FAHD2A: variants seen among roughly 807,000 people sequenced by gnomAD.
The protein encoded by FAHD2A is fumarylacetoacetate hydrolase domain containing 2A.
Under a neutral mutation model 33.4 loss-of-function variants are expected in FAHD2A, and 27 were observed. That is an observed-to-expected ratio of 0.81 (90% CI 0.60 to 1.11). The LOEUF is 1.11. Ranked by LOEUF, FAHD2A falls within the 50% of genes most tolerant of loss-of-function variation. FAHD2A has a pLI of 0.00. For synonymous variants in FAHD2A, 130 were observed against 153.3 expected (o/e 0.85, Z 1.12); for missense variants, 296 against 395.0 (o/e 0.75, Z 2.12).
At chr2:95,418,156 G>A (rs913438871), downstream of FAHD2A, among the ~76,000 whole-genome samples, 1 of 151,980 alleles carries the variant, frequency 6.6e-6, no homozygotes, top group African/African-American at 2.4e-5. Context: ...AGTACCACAA[G>A]TACCTGTAGA....
At chr2:95,403,100 C>G (rs1436361707) in intron 1 of FAHD2A, 3 of 152,286 alleles carry the variant, frequency 2.0e-5, no homozygotes, top group Non-Finnish European at 4.4e-5. Context: ...ACGTGCACAC[C>G]CATGTCTCAG....
Position 95,407,006 on chromosome 2 carries a change from G to A in FAHD2A, c.311G>A (p.Arg104Gln), listed in dbSNP as rs761090920. Reference sequence around the variant, plus strand: ...GTAACCTTCCTGGCTCCAGTCACACGACCAGATAAGGTGGTGTGTGTGGGC... The same window carrying A: ...GTAACCTTCCTGGCTCCAGTCACACAACCAGATAAGGTGGTGTGTGTGGGC... Reference protein sequence around the residue: ...SEVTFLAPVTRPDKVVCVGMN... With the variant: ...SEVTFLAPVTQPDKVVCVGMN... Residue 104 changes from arginine (R) to glutamine (Q), a missense_variant, in exon 3 of 8, where the codon CGA (arginine) becomes CAA (glutamine). Arg to Gln is a conservative substitution (Grantham distance 43). Coordinates refer to ENST00000233379, the MANE Select transcript of FAHD2A (RefSeq NM_016044.3). The A allele has an allele frequency of 5.3e-5, 86 of 1,613,836 alleles. No homozygotes were observed. The South Asian group carries it at 6.6e-4, about 12-fold the overall frequency.
chr2:95,408,345 T>C (rs1443707598), intron 3 of FAHD2A, among the ~76,000 whole-genome samples: 5 of 152,224 alleles, frequency 3.3e-5, no homozygotes, highest in African/African-American at 1.2e-4. Context: ...TATTCAGTTA[T>C]ATCTCTTTAG....
In FAHD2A at chr2:95,412,958, T is replaced by C. The variant is rs1375782055; in HGVS notation, c.*1T>C. The stretch of plus-strand genomic sequence containing the variant: ...TGTCATCATCAACAAGGTGGTGTGA[T>C]GGCTCCTGCACAGGCCCTGCACATA... On this transcript the variant is annotated 3_prime_UTR_variant, in exon 8 of 8. Coordinates refer to ENST00000233379, the MANE Select transcript of FAHD2A (RefSeq NM_016044.3). 1.2e-6 allele frequency: 2 copies of C among 1,613,926 alleles called. No homozygotes were observed. The highest frequency in any genetic ancestry group is 4.5e-5 in the East Asian group (2 of 44,884).
Position 95,410,164 on chromosome 2 carries a change from C to A in FAHD2A, c.463-363C>A, listed in dbSNP as rs117433068. Among the ~76,000 whole-genome samples the A allele has an allele frequency of 1.4e-3, 210 of 152,340 alleles. 9 individuals carry two copies. The East Asian group carries it at 0.04, about 29-fold the overall frequency. ...TAGATTAAAACACTTAGAACAGTGCCTGACACACAGTAGGGTTACATATTG... is the reference window on the plus strand; with the variant it reads ...TAGATTAAAACACTTAGAACAGTGCATGACACACAGTAGGGTTACATATTG... On this transcript the variant is annotated intron_variant, in intron 3 of 7. Coordinates refer to ENST00000233379, the MANE Select transcript of FAHD2A (RefSeq NM_016044.3).
At position 95,406,973 on chromosome 2, in the gene FAHD2A, G is replaced by A. The variant is rs373739961; in HGVS notation, c.278G>A (p.Arg93Gln). The change falls in exon 3 of 8, where the codon CGG becomes CAG. Residue 93 changes from arginine (R) to glutamine (Q), a missense_variant. By Grantham distance (43) the Arg-to-Gln change is conservative. Coordinates refer to ENST00000233379, the MANE Select transcript of FAHD2A (RefSeq NM_016044.3). ...GCTGCCCAGTTGCCAGTCCTACCAC[G>A]GTCGGAGGTAACCTTCCTGGCTCCA... Reference protein sequence around the residue: ...ALAAQLPVLPRSEVTFLAPVT... With the variant: ...ALAAQLPVLPQSEVTFLAPVT... 1.2e-5 allele frequency: 20 copies of A among 1,613,802 alleles called. No homozygotes were observed. Among genetic ancestry groups the A allele is most frequent in the East Asian group, 6.7e-5 (3 of 44,888 alleles).
At chr2:95,419,621 A>G (rs397833760), downstream of FAHD2A, among the ~76,000 whole-genome samples, 12 of 152,134 alleles carry the variant, frequency 7.9e-5, no homozygotes, top group East Asian at 1.9e-4. Context: ...AATAAATGGA[A>G]GCAGATGGAA....
chr2:95,414,304 G>A lies in FAHD2A; in HGVS notation c.*1347G>A. 8.5e-7 allele frequency: 1 copy of A among 1,171,836 alleles called. No individual in the cohort carries two copies. The allele number at this position is 1,171,836 out of a possible 1,614,324, so 72.6% of individuals were successfully genotyped here. A position where few individuals can be genotyped will look rare whatever the true frequency, so the allele number is the denominator to read the frequency against. ...CAGGAACTGGAACAGCTGTTGGAGA[G>A]GAGAAGAAAAAGAAGACATCAAAAA... On this transcript the variant is annotated 3_prime_UTR_variant, in exon 8 of 8. Transcript: ENST00000233379.
chr2:95,417,138 A>C (rs1219811824), downstream of FAHD2A, among the ~76,000 whole-genome samples: 7 of 152,250 alleles, frequency 4.6e-5, no homozygotes. Flanking sequence ...GGTGCCATAT[A>C]AGAAGACCTT....
chr2:95,410,426 A>G (rs182126130), intron 3 of FAHD2A, 101 bp from the exon 4 acceptor site: 5 of 1,469,740 alleles, frequency 3.4e-6, no homozygotes, highest in East Asian at 2.5e-5. Flanking sequence ...GCGAAGCCAT[A>G]CTGACAAAGG....
chr2:95,416,796 T>G (rs188451604), downstream of FAHD2A, among the ~76,000 whole-genome samples: 38 of 152,348 alleles, frequency 2.5e-4, no homozygotes, highest in East Asian at 6.8e-3. Context: ...GGGTTCCATA[T>G]GAACTAGGAG....
downstream of FAHD2A, among the ~76,000 whole-genome samples, chr2:95,419,192 A>G (rs1314067752): frequency 2.0e-5 from 3 of 152,102 alleles, no homozygotes; most frequent in Non-Finnish European, 4.4e-5. Flanking sequence ...AAGCAACCCA[A>G]TTTGTGGGAC....
At chr2:95,418,010 C>A (rs1202643005), downstream of FAHD2A, among the ~76,000 whole-genome samples, 2 of 152,002 alleles carry the variant, frequency 1.3e-5, no homozygotes, top group Non-Finnish European at 2.9e-5. Flanking sequence ...GTATCTCAGA[C>A]GATAGAATCG....
At chr2:95,419,778 A>C (rs1356553981), downstream of FAHD2A, among the ~76,000 whole-genome samples, 3 of 152,030 alleles carry the variant, frequency 2.0e-5, no homozygotes, top group Non-Finnish European at 4.4e-5. Flanking sequence ...TAGATCTCTC[A>C]CATACAGACC....
chr2:95,420,902 C>A (rs528699398), downstream of FAHD2A, among the ~76,000 whole-genome samples: 1 of 152,052 alleles, frequency 6.6e-6, no homozygotes, highest in African/African-American at 2.4e-5. Flanking sequence ...TTACACAACA[C>A]TTTCCTTAAC....
chr2:95,405,028 G>A (rs1354166171), intron 1 of FAHD2A, among the ~76,000 whole-genome samples: 1 of 152,240 alleles, frequency 6.6e-6, no homozygotes, highest in Non-Finnish European at 1.5e-5. Flanking sequence ...TATGGCCACT[G>A]TGAAGCCAGT....
intron 2 of FAHD2A, among the ~76,000 whole-genome samples, chr2:95,406,537 A>G (rs1354537715): frequency 6.6e-6 from 1 of 152,170 alleles, no homozygotes; most frequent in Non-Finnish European, 1.5e-5. Context: ...ATTGTTAAGC[A>G]GAGATCTCCA....
intron 5 of FAHD2A, among the ~76,000 whole-genome samples, chr2:95,411,649 G>T (rs1169902000): frequency 6.6e-6 from 1 of 152,200 alleles, no homozygotes; most frequent in Non-Finnish European, 1.5e-5. Context: ...TACTTAAGGG[G>T]GGTAGAACAC....
downstream of FAHD2A, among the ~76,000 whole-genome samples, chr2:95,420,239 G>T (rs1179470626): frequency 1.3e-5 from 2 of 152,098 alleles, no homozygotes; most frequent in Non-Finnish European, 2.9e-5. Flanking sequence ...AGACACCTGG[G>T]CACCCCATGG....
Sources: gnomAD v4.1 joint callset for allele counts (sites outside exome capture counted in the v4.1 genomes callset) on GRCh38, gnomAD v4.1.1 for gene constraint, MANE v1.5 for transcripts, NCBI Gene and HGNC (gene_info 2026-07-23, HGNC 2026-07-21) for gene names.